The following MARF1 variants were observed in gnomAD, a reference collection of about 807,000 sequenced individuals.
The protein encoded by MARF1 is limkain-b1.
In MARF1, 24 loss-of-function variants were observed where a neutral mutation model predicts 168.2. That is an observed-to-expected ratio of 0.14 (90% CI 0.10 to 0.20). The LOEUF (loss-of-function observed/expected upper bound fraction) is 0.20. Among genes scored for constraint, MARF1 ranks in the 10% least tolerant of loss-of-function variants. The pLI is 1.00. For missense variants in MARF1, 1,744 were observed against 2,143.6 expected (o/e 0.81, Z 3.68); for synonymous variants, 868 against 822.4 (o/e 1.06, Z -0.95).
At chr16:15,627,974 T>C (rs1429055266) in intron 7 of MARF1, among the ~76,000 whole-genome samples, 23 of 152,184 alleles carry the variant, frequency 1.5e-4, no homozygotes, top group Non-Finnish European at 2.9e-5. Context: ...CCTTGGAAAT[T>C]ACCCTATGGT....
intron 1 of MARF1, among the ~76,000 whole-genome samples, chr16:15,640,183 G>A (rs1482882784): frequency 6.6e-6 from 1 of 152,212 alleles, no homozygotes; most frequent in Non-Finnish European, 1.5e-5. Context: ...ATTGACTTAA[G>A]AGCAACTTCT....
chr16:15,602,765 G>A (rs181143339), intron 22 of MARF1: 133 of 396,834 alleles, frequency 3.4e-4, no homozygotes, highest in African/African-American at 2.6e-3. Flanking sequence ...TGTGTGAGTA[G>A]GGAAGAAATC....
chr16:15,598,678 T>G (rs1378494632), intron 26 of MARF1, among the ~76,000 whole-genome samples, 176 bp downstream of exon 26: 1 of 151,930 alleles, frequency 6.6e-6, no homozygotes, highest in Non-Finnish European at 1.5e-5. Flanking sequence ...CCTCAGGCTG[T>G]GCATCCCATT....
intron 7 of MARF1, among the ~76,000 whole-genome samples, chr16:15,626,975 AAAG>A (rs1390828480): frequency 2.3e-4 from 34 of 150,894 alleles, no homozygotes; most frequent in South Asian, 1.3e-3. Context: ...AAAAAAAAAA[AAAG>A]AAAGAAAGAA....
At chr16:15,635,059 G>A in intron 3 of MARF1, 128 bp from the exon 4 acceptor site, 1 of 710,992 alleles carries the variant, frequency 1.4e-6, no homozygotes, top group South Asian at 2.3e-5. Context: ...CTAATAAAAA[G>A]GACTTTCAAA....
chr16:15,627,544 G>A (rs2034955870), intron 7 of MARF1, among the ~76,000 whole-genome samples: 1 of 152,178 alleles, frequency 6.6e-6, no homozygotes, highest in Non-Finnish European at 1.5e-5. Context: ...ATTGAACCCG[G>A]CAGGTGGAGT....
chr16:15,622,579 G>T (rs995526327), intron 11 of MARF1, among the ~76,000 whole-genome samples: 12 of 152,032 alleles, frequency 7.9e-5, no homozygotes, highest in Non-Finnish European at 1.5e-4. Flanking sequence ...GTAGAGACGG[G>T]GTTTCACTCG....
chr16:15,617,722 G>A (rs955000113), intron 13 of MARF1, among the ~76,000 whole-genome samples, 187 bp from the exon 14 acceptor site: 17 of 152,088 alleles, frequency 1.1e-4, no homozygotes, highest in Admixed American at 2.0e-4. Flanking sequence ...CTCCTGAGTC[G>A]TCTCTGGCTC....
chr16:15,604,042 C>G, intron 22 of MARF1, 126 bp downstream of exon 22: 1 of 728,666 alleles, frequency 1.4e-6, no homozygotes, highest in Non-Finnish European at 2.3e-6. Context: ...TCGGCGTGTT[C>G]ATCCATGAAA....
At chr16:15,621,563 G>A in intron 12 of MARF1, 170 bp downstream of exon 12, 1 of 681,150 alleles carries the variant, frequency 1.5e-6, no homozygotes, top group Non-Finnish European at 2.4e-6. Flanking sequence ...TAATGACTTA[G>A]ACAAGAGTCA....
rs778973557 is a variant in MARF1 at position 15,617,322 on chromosome 16, C to T, written c.2934G>A (p.Gln978=). ...ACCTGAAATCCTTATTGGAACAATG[C>T]TGTCTGCAGACAGGCTCGTGATATT... ...ELEYHEPVCR[Q]HCSNKDFSEH... is the part of the protein sequence containing the mutation. The change falls in exon 14 of 27, where the codon CAG becomes CAA. Residue 978 remains glutamine, a synonymous_variant. Coordinates refer to ENST00000396368, the MANE Select transcript of MARF1 (RefSeq NM_014647.4). 6.2e-7 allele frequency: 1 copy of T among 1,613,930 alleles called. No individual in the cohort carries two copies. The highest frequency in any genetic ancestry group is 1.1e-5 in the South Asian group (1 of 91,072).
At chr16:15,634,091 C>A (rs74340724) in intron 4 of MARF1, among the ~76,000 whole-genome samples, 3,327 of 152,184 alleles carry the variant, frequency 0.022, 129 homozygotes, top group East Asian at 0.16. Flanking sequence ...TTTAAGCCCA[C>A]AATAAATCCA....
chr16:15,639,652 C>T (rs368745374), intron 1 of MARF1, among the ~76,000 whole-genome samples: 2 of 152,292 alleles, frequency 1.3e-5, no homozygotes, highest in South Asian at 2.1e-4. Flanking sequence ...CCACCCTCCT[C>T]GGCCTCCCAA....
chr16:15,631,803 G>A (rs1295574444), intron 5 of MARF1, among the ~76,000 whole-genome samples: 1 of 151,918 alleles, frequency 6.6e-6, no homozygotes, highest in Non-Finnish European at 1.5e-5. Flanking sequence ...GTGTCCATGT[G>A]TTCTCACTGT....
chr16:15,605,324 T>G (rs556689452), intron 21 of MARF1, among the ~76,000 whole-genome samples: 1 of 152,252 alleles, frequency 6.6e-6, no homozygotes, highest in South Asian at 2.1e-4. Flanking sequence ...CTTTGGACCG[T>G]GGATTCTGAG....
At chr16:15,632,220 C>T (rs1249698955) in intron 5 of MARF1, among the ~76,000 whole-genome samples, 1 of 152,152 alleles carries the variant, frequency 6.6e-6, no homozygotes, top group Non-Finnish European at 1.5e-5. Context: ...AATTTGAACT[C>T]AGTTAAATTT....
intron 7 of MARF1, among the ~76,000 whole-genome samples, chr16:15,627,559 A>C (rs895909495): frequency 1.1e-4 from 16 of 152,224 alleles, no homozygotes; most frequent in African/African-American, 3.6e-4. Context: ...TGGAGTCTGC[A>C]GTAAGCGGAG....
Position 15,609,616 on chromosome 16 carries a change from A to G in MARF1, c.3861T>C (p.Ser1287=). 1 of 1,614,208 alleles carries G rather than the reference A, an allele frequency of 6.2e-7. No homozygotes were observed. Among genetic ancestry groups the G allele is most frequent in the Non-Finnish European group, 8.5e-7 (1 of 1,180,028 alleles). The change falls in exon 20 of 27, where the codon TCT becomes TCC. Residue 1287 remains serine, a synonymous_variant. Coordinates refer to ENST00000396368, the MANE Select transcript of MARF1 (RefSeq NM_014647.4). ...ACTGCCGGCCAAAGTGGTGATGGTA[A>G]GAAGGGATAAATTTATTAAAGGGCA... The part of the protein sequence containing the change: ...FRMPFNKFIP[S]YHHHFGRQCK...
In MARF1 at chr16:15,639,239, C is replaced by T. The variant is rs1194801790; in HGVS notation, c.-6G>A. On this transcript the variant is annotated 5_prime_UTR_variant, in exon 2 of 27. The change abolishes an upstream ATG in the 5' untranslated region. Transcript: ENST00000396368. ...GTTCCGTTTCCTTCCATCATACAGC[C>T]ATGCAAAGTGATTCAACATCCTTTC... The T allele has an allele frequency of 6.2e-7, 1 of 1,608,782 alleles. No individual in the cohort carries two copies. Among genetic ancestry groups the T allele is most frequent in the East Asian group, 2.2e-5 (1 of 44,804 alleles).
Sources: gnomAD v4.1 joint callset for allele counts (sites outside exome capture counted in the v4.1 genomes callset) on GRCh38, gnomAD v4.1.1 for gene constraint, MANE v1.5 for transcripts, NCBI Gene and HGNC (gene_info 2026-07-23, HGNC 2026-07-21) for gene names.